PIEZO1: variants seen among roughly 807,000 people sequenced by gnomAD.
PIEZO1 encodes piezo-type mechanosensitive ion channel component 1.
A neutral mutation model predicts 297.2 loss-of-function variants in PIEZO1; 296 were observed. The ratio of observed to expected loss-of-function variants is 1.00; its 90% CI spans 0.91 to 1.10. PIEZO1 has a LOEUF of 1.10. Ranked by LOEUF, PIEZO1 falls within the 50% of genes least tolerant of loss-of-function variation. The pLI is 0.00. For missense variants in PIEZO1, 5,018 were observed against 3,455.5 expected, an observed-to-expected ratio of 1.45 and a Z score of -11.34; for synonymous variants, 2,427 against 1,507.5, an observed-to-expected ratio of 1.61 and a Z score of -14.13.
In PIEZO1 at chr16:88,726,428, T is replaced by A; in HGVS notation, c.3824A>T (p.Asp1275Val). 6 of 1,550,470 alleles carry A rather than the reference T, an allele frequency of 3.9e-6. No individual in the cohort carries two copies. The highest frequency in any genetic ancestry group is 5.2e-6 in the Non-Finnish European group (6 of 1,146,926). Residue 1275 changes from aspartate to valine, a missense_variant, in exon 27 of 51, where the codon GAC (aspartate) becomes GTC (valine). By Grantham distance (152) the Asp-to-Val change is radical. Transcript: ENST00000301015. Reference protein sequence around the residue: ...DPKEMMDRDQDCLLPVEEAGI... With the variant: ...DPKEMMDRDQVCLLPVEEAGI... ...AGCCTCCTCCACAGGCAGCAGGCAG[T>A]CCTGGTCTCTGTCCATCATCTCCTT...
intron 10 of PIEZO1, chr16:88,737,255 T>C (rs964118580): frequency 1.4e-5 from 5 of 353,338 alleles, no homozygotes; most frequent in South Asian, 8.4e-5. Context: ...CAAGACAGCA[T>C]AGCCACATTC....
rs915582256 is a variant in PIEZO1 at position 88,731,438 on chromosome 16, C to T, written c.3196+268G>A. ...GCAGTGCTCCTTGTGTGACTCACAA[C>T]TTTCCTGAAGGTTTGAAATATTTCA... On this transcript the variant is annotated intron_variant, in intron 22 of 50. Transcript: ENST00000301015. The T allele has an allele frequency of 9.6e-5, 47 of 488,102 alleles. 1 individual carries two copies. The highest frequency in any genetic ancestry group is 1.7e-4 in the Non-Finnish European group (47 of 271,520). 30.2% of individuals were successfully genotyped at this position (488,102 alleles called of 1,614,324 possible).
Position 88,722,649 on chromosome 16 carries a change from G to T in PIEZO1, c.4709C>A (p.Thr1570Lys). Residue 1570 changes from threonine (T) to lysine (K), a missense_variant, in exon 35 of 51, where the codon ACA becomes AAA. Physicochemically the swap from Thr to Lys is moderately conservative, Grantham distance 78. Coordinates refer to ENST00000301015, the MANE Select transcript of PIEZO1 (RefSeq NM_001142864.4). ...VHRGVLDQLYTSQAEATLPGP... is the reference protein window; with the variant it reads ...VHRGVLDQLYKSQAEATLPGP... ...TGGCAGCGTGGCCTCGGCCTGGCTT[G>T]TGTACAGCTGATCCAGCACGCCCCT... is the stretch of plus-strand genomic sequence containing the variant. 1 of 1,538,682 alleles carries T rather than the reference G, an allele frequency of 6.5e-7. No homozygotes were observed.
At chr16:88,770,753 C>T (rs974211111) in intron 1 of PIEZO1, among the ~76,000 whole-genome samples, 9 of 152,242 alleles carry the variant, frequency 5.9e-5, no homozygotes, top group East Asian at 1.9e-4. Context: ...ACGGTTCCCA[C>T]GGAGCAGTCA....
At chr16:88,777,498 G>A (rs957066647) in intron 1 of PIEZO1, among the ~76,000 whole-genome samples, 8 of 151,874 alleles carry the variant, frequency 5.3e-5, no homozygotes, top group African/African-American at 1.5e-4. Flanking sequence ...CATTGTCACT[G>A]GCCCGCAGAC....
In PIEZO1 at chr16:88,722,019, C is replaced by G. The variant is rs759560289; in HGVS notation, c.5003G>C (p.Gly1668Ala). The G allele has an allele frequency of 8.4e-6, 13 of 1,548,510 alleles. No individual in the cohort carries two copies. In the South Asian group the frequency reaches 1.5e-4, roughly 18 times the overall value. ...CAGCAGCCGCAGCGCCCGGCCCTGC[C>G]CCTCCGCAAACAGCTCTGCCTCCTC... Reference protein sequence around the residue: ...ELEEAELFAEGQGRALRLLRA... With the variant: ...ELEEAELFAEAQGRALRLLRA... Residue 1668 changes from glycine (G) to alanine (A), a missense_variant, in exon 37 of 51, where the codon GGG (glycine) becomes GCG (alanine). Coordinates refer to ENST00000301015, the MANE Select transcript of PIEZO1 (RefSeq NM_001142864.4).
chr16:88,734,408 C>A lies in PIEZO1; in HGVS notation c.2128G>T (p.Asp710Tyr), dbSNP rs747544978. 3.9e-6 allele frequency: 6 copies of A among 1,549,418 alleles called. No individual in the cohort carries two copies. The highest frequency in any genetic ancestry group is 2.4e-5 in the East Asian group (1 of 40,914). The change falls in exon 16 of 51, where the codon GAC (aspartate) becomes TAC (tyrosine). Residue 710 changes from aspartate to tyrosine, a missense_variant. Physicochemically the swap from Asp to Tyr is radical, Grantham distance 160 (BLOSUM62 -3). Coordinates refer to ENST00000301015, the MANE Select transcript of PIEZO1 (RefSeq NM_001142864.4). Reference sequence around the variant, plus strand: ...CCAGGCAGGGACACGTGCTCCATGTCGGTGAGCTGCATGAAGGGCCTGTGG... The same window carrying A: ...CCAGGCAGGGACACGTGCTCCATGTAGGTGAGCTGCATGAAGGGCCTGTGG... ...YFHRPFMQLT[D>Y]MEHVSLPGTR...
chr16:88,741,435 T>C, intron 5 of PIEZO1, 43 bp downstream of exon 5: 1 of 1,489,200 alleles, frequency 6.7e-7, no homozygotes, highest in Non-Finnish European at 9.0e-7. Context: ...ACCACAGCTC[T>C]CGAATGACCT....
At chr16:88,727,229 G>T in intron 23 of PIEZO1, 37 bp from the exon 24 acceptor site, 2 of 1,500,350 alleles carry the variant, frequency 1.3e-6, no homozygotes, top group Non-Finnish European at 1.8e-6. Context: ...GCCACACGGG[G>T]ACCCACACGA....
chr16:88,731,957 G>GGGCGGGGT, intron 21 of PIEZO1, 47 bp from the exon 22 acceptor site: 1 of 86,300 alleles, frequency 1.2e-5, no homozygotes, highest in Admixed American at 1.7e-4. Context: ...GAGTCTGGGG[G>GGGCGGGGT]GAGGGACTTT....
intron 2 of PIEZO1, chr16:88,742,958 C>G (rs985846688): frequency 2.4e-6 from 1 of 408,856 alleles, no homozygotes; most frequent in African/African-American, 2.0e-5. Flanking sequence ...AAGTTGCATC[C>G]CGATGCATGG....
intron 1 of PIEZO1, among the ~76,000 whole-genome samples, chr16:88,780,377 G>T (rs1250287258): frequency 6.8e-6 from 1 of 147,118 alleles, no homozygotes; most frequent in Non-Finnish European, 1.5e-5. Flanking sequence ...AGATACAGAG[G>T]ATGTGGGTGG....
chr16:88,724,154 G>A (rs968430630), intron 30 of PIEZO1, among the ~76,000 whole-genome samples, 183 bp from the exon 31 acceptor site: 1 of 152,262 alleles, frequency 6.6e-6, no homozygotes, highest in Non-Finnish European at 1.5e-5. Context: ...GGCAGCTGAG[G>A]AGCAGAGCCA....
chr16:88,784,409 G>C (rs887364268), intron 1 of PIEZO1, among the ~76,000 whole-genome samples: 3 of 152,218 alleles, frequency 2.0e-5, no homozygotes, highest in South Asian at 2.1e-4. Flanking sequence ...CGTTGGGCTC[G>C]GGAAGCTCCA....
rs1252999858 is a variant in PIEZO1, at chr16:88,731,695, G to A, written c.3196+11C>T. The stretch of plus-strand genomic sequence containing the variant: ...CAAAGCCCACTCCCACCCAAGCCAC[G>A]TGCCCCTCACCAATGCACAGGGCCG... On this transcript the variant is annotated intron_variant, in intron 22 of 50. Coordinates refer to ENST00000301015, the MANE Select transcript of PIEZO1 (RefSeq NM_001142864.4). 5.8e-6 allele frequency: 9 copies of A among 1,546,730 alleles called. No homozygotes were observed. Among genetic ancestry groups the A allele is most frequent in the East Asian group, 2.5e-5 (1 of 40,776 alleles).
chr16:88,779,759 C>T (rs1007395660), intron 1 of PIEZO1, among the ~76,000 whole-genome samples: 2 of 152,216 alleles, frequency 1.3e-5, no homozygotes, highest in African/African-American at 2.4e-5. Flanking sequence ...CTGTGTGCTC[C>T]GGGACCAGGC....
chr16:88,762,749 C>T (rs544009761), intron 1 of PIEZO1, among the ~76,000 whole-genome samples: 1 of 152,322 alleles, frequency 6.6e-6, no homozygotes, highest in East Asian at 1.9e-4. Flanking sequence ...GCACGGTGGG[C>T]TTACAGGGCA....
chr16:88,781,578 C>T (rs1185038120), intron 1 of PIEZO1, among the ~76,000 whole-genome samples: 1 of 152,376 alleles, frequency 6.6e-6, no homozygotes, highest in South Asian at 2.1e-4. Flanking sequence ...CAGAAGGGGC[C>T]CCCAAGCCAC....
Position 88,734,804 on chromosome 16 carries a change from G to T in PIEZO1, c.1849-6C>A. 1 of 1,550,280 alleles carries T rather than the reference G, an allele frequency of 6.5e-7. No homozygotes were observed. The highest frequency in any genetic ancestry group is 1.7e-4 in the Middle Eastern group (1 of 5,992). ...CGCCACAGGCTGTAGTAGACCTGCC[G>T]GGTGAGGTGGGGGTGGTGAGGACCG... On this transcript the variant is annotated splice_region_variant and splice_polypyrimidine_tract_variant and intron_variant, in intron 14 of 50. Coordinates refer to ENST00000301015, the MANE Select transcript of PIEZO1 (RefSeq NM_001142864.4).
Sources: gnomAD v4.1 joint callset for allele counts (sites outside exome capture counted in the v4.1 genomes callset) on GRCh38, gnomAD v4.1.1 for gene constraint, MANE v1.5 for transcripts, NCBI Gene and HGNC (gene_info 2026-07-23, HGNC 2026-07-21) for gene names.